The following SLC36A3 variants were observed in gnomAD, a reference collection of about 807,000 sequenced individuals.
SLC36A3 encodes proton-coupled amino acid transporter 3.
A neutral mutation model predicts 44.3 loss-of-function variants in SLC36A3; 35 were observed. That is an observed-to-expected ratio of 0.79 (90% CI 0.60 to 1.05). The LOEUF is 1.05. SLC36A3 is among the 50% of genes least tolerant of loss of function. SLC36A3 has a pLI of 0.00. For synonymous variants in SLC36A3, 211 were observed against 227.6 expected (o/e 0.93, Z 0.66); for missense variants, 540 against 578.7 (o/e 0.93, Z 0.69).
At chr5:151,296,307 T>C (rs752722096) in intron 2 of SLC36A3, 39 bp from the exon 3 acceptor site, 1 of 1,535,624 alleles carries the variant, frequency 6.5e-7, no homozygotes, top group South Asian at 1.1e-5. Flanking sequence ...GAGCCAGAAA[T>C]GATCACTCCC....
chr5:151,299,252 C>CTATATATA (rs1417584326), intron 1 of SLC36A3, among the ~76,000 whole-genome samples: 15 of 95,054 alleles, frequency 1.6e-4, no homozygotes, highest in East Asian at 7.0e-4. Context: ...CTCTCTCTCT[C>CTATATATA]TCTCTCTCTC....
chr5:151,293,939 C>T (rs1311526724), intron 3 of SLC36A3, among the ~76,000 whole-genome samples: 2 of 152,272 alleles, frequency 1.3e-5, no homozygotes, highest in South Asian at 2.1e-4. Context: ...CAGCCTATTC[C>T]TCTTGCCATG....
intron 1 of SLC36A3, among the ~76,000 whole-genome samples, chr5:151,299,074 G>T (rs1755060230): frequency 6.6e-6 from 1 of 151,824 alleles, no homozygotes; most frequent in African/African-American, 2.4e-5. Context: ...ATTAGTAATA[G>T]TTGCCTCAGT....
rs10476765 is a variant in SLC36A3 at position 151,284,767 on chromosome 5, A to T, written c.709-56T>A. 14 of 1,401,320 alleles carry T rather than the reference A, an allele frequency of 1.0e-5. No homozygotes were observed. The East Asian group carries it at 3.0e-4, about 30-fold the overall frequency. The allele number at this position is 1,401,320 out of a possible 1,614,324, so 86.8% of individuals were successfully genotyped here. A position where few individuals can be genotyped will look rare whatever the true frequency, so the allele number is the denominator to read the frequency against. ...TTGTTATGGTGTCGAAGTCATCCCAAATCTTTGCCTGGTAGAAAGCTGGGT... is the reference window on the plus strand; with the variant it reads ...TTGTTATGGTGTCGAAGTCATCCCATATCTTTGCCTGGTAGAAAGCTGGGT... On this transcript the variant is annotated intron_variant, in intron 6 of 9. Coordinates refer to ENST00000335230, the MANE Select transcript of SLC36A3 (RefSeq NM_181774.4).
chr5:151,277,367 A>G lies in SLC36A3; in HGVS notation c.*26T>C. 1 of 1,610,086 alleles carries G rather than the reference A, an allele frequency of 6.2e-7. No homozygotes were observed. ...GTCAAACTGGGGATGGGAGGAAGGGAGAGCTATTAGAATAAAAACAGATAA... is the reference window on the plus strand; with the variant it reads ...GTCAAACTGGGGATGGGAGGAAGGGGGAGCTATTAGAATAAAAACAGATAA... On this transcript the variant is annotated 3_prime_UTR_variant, in exon 10 of 10. Coordinates refer to ENST00000335230, the MANE Select transcript of SLC36A3 (RefSeq NM_181774.4).
In SLC36A3 at chr5:151,296,213, A is replaced by G. The variant is rs201067669; in HGVS notation, c.275T>C (p.Ile92Thr). 1.7e-5 allele frequency: 28 copies of G among 1,614,052 alleles called. No individual in the cohort carries two copies. The highest frequency in any genetic ancestry group is 2.3e-5 in the Non-Finnish European group (27 of 1,180,038). Residue 92 changes from isoleucine to threonine, a missense_variant, in exon 3 of 10, where the codon ATC becomes ACC. By Grantham distance (89) the Ile-to-Thr change is moderately conservative. Coordinates refer to ENST00000335230, the MANE Select transcript of SLC36A3 (RefSeq NM_181774.4). ...GAGGTGTTGAGCACAGTTCAACAGG[A>G]TGACCATGCAGTGCACGGTGAGGAC... ...IGVLTVHCMVILLNCAQHLSQ... is the reference protein window; with the variant it reads ...IGVLTVHCMVTLLNCAQHLSQ...
intron 6 of SLC36A3, 110 bp from the exon 7 acceptor site, chr5:151,284,821 A>G (rs565467881): frequency 1.6e-6 from 1 of 633,512 alleles, no homozygotes; most frequent in Non-Finnish European, 2.7e-6. Flanking sequence ...AGAAAATCAG[A>G]AGATACCTAG....
chr5:151,293,810 C>A (rs907101892), intron 3 of SLC36A3, among the ~76,000 whole-genome samples: 1 of 152,078 alleles, frequency 6.6e-6, no homozygotes, highest in South Asian at 2.1e-4. Flanking sequence ...GCCAGTGATT[C>A]CCTCCTTCCC....
At position 151,284,137 on chromosome 5, in the gene SLC36A3, A is replaced by G. The variant is rs1457736488; in HGVS notation, c.881T>C (p.Val294Ala). 1 of 1,614,194 alleles carries G rather than the reference A, an allele frequency of 6.2e-7. No individual in the cohort carries two copies. Among genetic ancestry groups the G allele is most frequent in the South Asian group, 1.1e-5 (1 of 91,084 alleles). ...CCCCAGTAAGATATAGAGGATGATG[A>G]CAATGGACATCCCCAAGTACAGAAC... The part of the protein sequence containing the change: ...SFVLYLGMSI[V>A]IILYILLGTL... Residue 294 changes from valine (V) to alanine (A), a missense_variant, in exon 8 of 10, where the codon GTC (valine) becomes GCC (alanine). Transcript: ENST00000335230.
intron 4 of SLC36A3, among the ~76,000 whole-genome samples, chr5:151,291,151 TA>T (rs1015437866): frequency 1.8e-4 from 28 of 151,838 alleles, no homozygotes; most frequent in African/African-American, 3.4e-4. Context: ...CCTGGCTATT[TA>T]AAAAAAATTT....
chr5:151,299,328 A>T (rs993904337), intron 1 of SLC36A3, among the ~76,000 whole-genome samples: 1 of 132,948 alleles, frequency 7.5e-6, no homozygotes, highest in East Asian at 2.2e-4. Flanking sequence ...AGTGGGGAGG[A>T]CTGTGGGGAG....
intron 3 of SLC36A3, 89 bp from the exon 4 acceptor site, chr5:151,293,548 G>C (rs1420109704): frequency 1.9e-5 from 20 of 1,064,274 alleles, no homozygotes; most frequent in Non-Finnish European, 2.7e-5. Context: ...TTATGTATTT[G>C]TGTGTGAGCA....
chr5:151,289,432 G>C lies in SLC36A3; in HGVS notation c.405-962C>G, dbSNP rs147261063. On this transcript the variant is annotated intron_variant, in intron 4 of 9. Coordinates refer to ENST00000335230, the MANE Select transcript of SLC36A3 (RefSeq NM_181774.4). ...GATCACTTGAGCCCAGGAGGTTGAG[G>C]CTGCAGTGAGCCATGATCACACCAC... Among the ~76,000 whole-genome samples, 29 of 151,766 alleles carry C rather than the reference G, an allele frequency of 1.9e-4. No homozygotes were observed. In the East Asian group the frequency reaches 5.6e-3, roughly 29 times the overall value.
At chr5:151,279,932 G>A (rs1279493832) in intron 9 of SLC36A3, among the ~76,000 whole-genome samples, 1 of 152,132 alleles carries the variant, frequency 6.6e-6, no homozygotes, top group Admixed American at 6.6e-5. Flanking sequence ...GATAAATGTG[G>A]AAATTTCCTG....
intron 2 of SLC36A3, chr5:151,296,782 T>G (rs1754975422): frequency 6.4e-6 from 1 of 156,550 alleles, no homozygotes; most frequent in South Asian, 2.0e-4. Context: ...ACCCACTAGG[T>G]GTCAGAGACT....
intron 8 of SLC36A3, among the ~76,000 whole-genome samples, chr5:151,282,126 T>G (rs1351646612): frequency 7.0e-6 from 1 of 141,946 alleles, no homozygotes; most frequent in Non-Finnish European, 1.5e-5. Flanking sequence ...TTTTTTTTTT[T>G]TTTTTTTTTT....
chr5:151,293,804 G>C (rs993686110), intron 3 of SLC36A3, among the ~76,000 whole-genome samples: 1 of 152,216 alleles, frequency 6.6e-6, no homozygotes, highest in Non-Finnish European at 1.5e-5. Flanking sequence ...GGCCAGGCCA[G>C]TGATTCCCTC....
intron 1 of SLC36A3, among the ~76,000 whole-genome samples, chr5:151,299,235 T>G (rs931274454): frequency 1.1e-4 from 7 of 65,796 alleles, no homozygotes; most frequent in Non-Finnish European, 1.7e-4. Context: ...GCTCTCTCTC[T>G]CTCTCTCTCT....
Position 151,301,687 on chromosome 5 carries a change from C to T in SLC36A3, c.128+1540G>A, listed in dbSNP as rs528309821. Among the ~76,000 whole-genome samples, 27 of 150,024 alleles carry T rather than the reference C, an allele frequency of 1.8e-4. No individual in the cohort carries two copies. In the South Asian group the frequency reaches 3.0e-3, roughly 17 times the overall value. On this transcript the variant is annotated intron_variant, in intron 1 of 9. Coordinates refer to ENST00000335230, the MANE Select transcript of SLC36A3 (RefSeq NM_181774.4). ...TCGAGCTTGCAGTGAGCTGAGATCGCGCCACTGCACTCCAGCCTGGGCGAT... is the reference window on the plus strand; with the variant it reads ...TCGAGCTTGCAGTGAGCTGAGATCGTGCCACTGCACTCCAGCCTGGGCGAT...
Sources: allele counts gnomAD v4.1 joint callset (sites outside exome capture counted in the v4.1 genomes callset), GRCh38; gene constraint gnomAD v4.1.1; transcripts MANE v1.5; gene names NCBI Gene and HGNC (gene_info 2026-07-23, HGNC 2026-07-21).